SMYD3: variants seen among roughly 807,000 people sequenced by gnomAD.
SMYD3 encodes the protein SET and MYND domain containing 3.
SMYD3 carries 36 observed loss-of-function variants against 57.7 expected under a neutral mutation model. The observed-to-expected ratio is 0.62, with a 90% CI of 0.48 to 0.82. The LOEUF (loss-of-function observed/expected upper bound fraction) is 0.82. Ranked by LOEUF, SMYD3 falls within the 40% of genes least tolerant of loss-of-function variation. The pLI is 0.00. For synonymous variants in SMYD3, 211 were observed against 195.0 expected, an observed-to-expected ratio of 1.08 and a Z score of -0.68; for missense variants, 515 against 538.8, an observed-to-expected ratio of 0.96 and a Z score of 0.44.
chr1:246,105,249 T>G (rs1284783366), intron 5 of SMYD3, among the ~76,000 whole-genome samples: 3 of 152,074 alleles, frequency 2.0e-5, no homozygotes, highest in African/African-American at 7.2e-5. Flanking sequence ...AGATGGGCCC[T>G]GGTGGGGACA....
chr1:245,786,212 A>ATGG (rs200784688), intron 10 of SMYD3, among the ~76,000 whole-genome samples: 978 of 78,348 alleles, frequency 0.012, 18 homozygotes, highest in Non-Finnish European at 0.018. Context: ...TGGGGTGTGG[A>ATGG]CGGGGGGGGG....
chr1:246,285,169 G>T (rs1332875671), intron 5 of SMYD3, among the ~76,000 whole-genome samples: 2 of 152,014 alleles, frequency 1.3e-5, no homozygotes, highest in Non-Finnish European at 2.9e-5. Context: ...TTATGCCTTT[G>T]CACCCTCATA....
At chr1:246,273,161 T>TTTTTTTTG (rs2064258201) in intron 5 of SMYD3, among the ~76,000 whole-genome samples, 82 of 131,092 alleles carry the variant, frequency 6.3e-4, no homozygotes, top group East Asian at 1.4e-3. Context: ...TTCTTTTTTT[T>TTTTTTTTG]GGGGGGGGGA....
At chr1:245,782,172 G>A (rs2046856623) in intron 10 of SMYD3, among the ~76,000 whole-genome samples, 1 of 152,068 alleles carries the variant, frequency 6.6e-6, no homozygotes, top group Non-Finnish European at 1.5e-5. Flanking sequence ...CATTTCCTAT[G>A]CTTAATTAGA....
intron 1 of SMYD3, among the ~76,000 whole-genome samples, chr1:246,432,900 CA>C (rs759863315): frequency 6.6e-6 from 1 of 151,916 alleles, no homozygotes; most frequent in Non-Finnish European, 1.5e-5. Context: ...AATTTTTGGC[CA>C]AAGCAGGTTC....
At chr1:246,039,561 T>C (rs1320695426) in intron 5 of SMYD3, among the ~76,000 whole-genome samples, 1 of 152,240 alleles carries the variant, frequency 6.6e-6, no homozygotes, top group Non-Finnish European at 1.5e-5. Flanking sequence ...AAACTGATAC[T>C]ACAAACTGAG....
intron 5 of SMYD3, among the ~76,000 whole-genome samples, chr1:246,266,781 CAGAAAGAAAGAG>C (rs2064117320): frequency 6.8e-6 from 1 of 147,054 alleles, no homozygotes; most frequent in African/African-American, 2.5e-5. Context: ...GAAAGAAAGA[CAGAAAGAAAGAG>C]AGAAAGAGAG....
At chr1:245,864,697 G>C (rs1048012593) in intron 8 of SMYD3, among the ~76,000 whole-genome samples, 2 of 149,666 alleles carry the variant, frequency 1.3e-5, no homozygotes, top group African/African-American at 4.9e-5. Flanking sequence ...CATGCTAGTT[G>C]CACAACTCTG....
chr1:246,111,539 T>C (rs1001811609), intron 5 of SMYD3: 5 of 152,240 alleles, frequency 3.3e-5, no homozygotes, highest in Admixed American at 1.3e-4. Flanking sequence ...GGTGTGTATC[T>C]TTCCTCTTTA....
At chr1:245,815,635 T>G (rs1239614224) in intron 10 of SMYD3, among the ~76,000 whole-genome samples, 2 of 152,244 alleles carry the variant, frequency 1.3e-5, no homozygotes, top group African/African-American at 4.8e-5. Context: ...CCTGTCCCTG[T>G]AGCACCTCTC....
intron 5 of SMYD3, among the ~76,000 whole-genome samples, chr1:246,258,663 C>T (rs2063942367): frequency 6.6e-6 from 1 of 152,160 alleles, no homozygotes; most frequent in Non-Finnish European, 1.5e-5. Context: ...TTTTCTTTAG[C>T]ACCGACCTTG....
rs1347800932 is a variant in SMYD3, at chr1:246,306,412, A to T, written c.531+20789T>A. Among the ~76,000 whole-genome samples the T allele has an allele frequency of 2.0e-5, 3 of 152,226 alleles. No homozygotes were observed. The East Asian group carries it at 5.8e-4, about 29-fold the overall frequency. The stretch of plus-strand genomic sequence containing the variant: ...ATTTTTTCCCTTGAAATAAAAAAAA[A>T]ATTAGAAACTGGGACAGATATATTT... On this transcript the variant is annotated intron_variant, in intron 5 of 11. Transcript: ENST00000490107.
intron 5 of SMYD3, among the ~76,000 whole-genome samples, chr1:245,962,516 C>A (rs9659850): frequency 0.18 from 27,425 of 152,118 alleles, 3,289 homozygotes; most frequent in East Asian, 0.41. Flanking sequence ...TTTATTCCTC[C>A]ATGTCCTTAC....
At chr1:245,839,826 A>G (rs2050309690) in intron 10 of SMYD3, among the ~76,000 whole-genome samples, 1 of 152,108 alleles carries the variant, frequency 6.6e-6, no homozygotes, top group African/African-American at 2.4e-5. Flanking sequence ...CACTCAGTTC[A>G]TTCAGAAAAA....
intron 5 of SMYD3, among the ~76,000 whole-genome samples, chr1:246,086,524 A>C (rs1001820427): frequency 6.8e-6 from 1 of 147,252 alleles, no homozygotes; most frequent in East Asian, 2.0e-4. Context: ...TCTACACTTC[A>C]CTTATTAGAT....
chr1:246,070,077 G>A (rs994821220), intron 5 of SMYD3, among the ~76,000 whole-genome samples: 1 of 152,116 alleles, frequency 6.6e-6, no homozygotes, highest in African/African-American at 2.4e-5. Context: ...GCCCGTCCTA[G>A]ACTATCTTGA....
intron 5 of SMYD3, among the ~76,000 whole-genome samples, chr1:246,204,443 T>C (rs1233776935): frequency 6.6e-6 from 1 of 152,224 alleles, no homozygotes; most frequent in East Asian, 1.9e-4. Flanking sequence ...CTGAGCACTG[T>C]GTCCAGCATA....
At chr1:246,335,246 AT>A (rs1339011906) in intron 3 of SMYD3, 120 bp downstream of exon 3, 1 of 847,404 alleles carries the variant, frequency 1.2e-6, no homozygotes, top group Non-Finnish European at 1.8e-6. Flanking sequence ...TTATTGCAAT[AT>A]TTGCTTTATT....
intron 5 of SMYD3, among the ~76,000 whole-genome samples, chr1:246,093,620 G>A (rs34264700): frequency 0.087 from 13,154 of 152,046 alleles, 661 homozygotes; most frequent in African/African-American, 0.13. Context: ...AGTAGTGGGG[G>A]ATGAAGAGAG....
Sources: allele counts gnomAD v4.1 joint callset (sites outside exome capture counted in the v4.1 genomes callset), GRCh38; gene constraint gnomAD v4.1.1; transcripts MANE v1.5; gene names NCBI Gene and HGNC (gene_info 2026-07-23, HGNC 2026-07-21).